Variants in CFAP299 observed in about 807,000 individuals in gnomAD.
CFAP299 encodes cilia- and flagella-associated protein 299.
A neutral mutation model predicts 27.0 loss-of-function variants in CFAP299; 21 were observed. The observed-to-expected ratio is 0.78, with a 90% CI of 0.55 to 1.12. CFAP299 has a LOEUF of 1.12. Among genes scored for constraint, CFAP299 ranks in the 50% most tolerant of loss-of-function variants. The pLI is 0.00. For missense variants in CFAP299, 310 were observed against 276.6 expected (o/e 1.12, Z -0.86); for synonymous variants, 104 against 98.1 (o/e 1.06, Z -0.36).
chr4:80,729,758 C>T (rs1247849732), intron 3 of CFAP299, among the ~76,000 whole-genome samples: 4 of 151,836 alleles, frequency 2.6e-5, no homozygotes, highest in Non-Finnish European at 4.4e-5. Context: ...TGCCACCACA[C>T]CTGGCTAATT....
At chr4:80,505,667 T>C (rs1238084021) in intron 2 of CFAP299, among the ~76,000 whole-genome samples, 1 of 152,178 alleles carries the variant, frequency 6.6e-6, no homozygotes, top group Non-Finnish European at 1.5e-5. Flanking sequence ...GAACTTAAAA[T>C]AGCTCCTCTC....
intron 3 of CFAP299, among the ~76,000 whole-genome samples, chr4:80,594,139 C>G (rs1736928781): frequency 6.6e-6 from 1 of 152,246 alleles, no homozygotes; most frequent in African/African-American, 2.4e-5. Context: ...AAAGAAATAT[C>G]CAAGACTGGG....
intron 2 of CFAP299, among the ~76,000 whole-genome samples, chr4:80,438,518 T>C (rs909943118): frequency 3.3e-5 from 5 of 152,234 alleles, no homozygotes; most frequent in African/African-American, 1.2e-4. Context: ...CTGAGACAAT[T>C]TGAGTAACTT....
intron 2 of CFAP299, among the ~76,000 whole-genome samples, chr4:80,375,753 G>A (rs1247229447): frequency 6.6e-6 from 1 of 152,090 alleles, no homozygotes. Flanking sequence ...CCTGCTAGAG[G>A]GGCGCCACAT....
intron 3 of CFAP299, among the ~76,000 whole-genome samples, chr4:80,595,009 C>T (rs902273102): frequency 2.0e-5 from 3 of 152,120 alleles, no homozygotes; most frequent in Admixed American, 6.6e-5. Context: ...AAGCTATGTG[C>T]TCTAATTCTC....
chr4:80,359,248 A>G (rs752532607), intron 1 of CFAP299, among the ~76,000 whole-genome samples: 19 of 152,118 alleles, frequency 1.2e-4, no homozygotes, highest in Non-Finnish European at 2.4e-4. Flanking sequence ...AGCTGCCCTT[A>G]ACAGTTTTTC....
Position 80,870,146 on chromosome 4 carries a change from T to A in CFAP299, c.476+11T>A. Reference sequence around the variant, plus strand: ...GCCTACAGATATAAGGTAAATTACATACAATTTTTGCACCCTTAGAGGCAG... The same window carrying A: ...GCCTACAGATATAAGGTAAATTACAAACAATTTTTGCACCCTTAGAGGCAG... On this transcript the variant is annotated intron_variant, in intron 4 of 5. Transcript: ENST00000358105. 2 of 1,591,248 alleles carry A rather than the reference T, an allele frequency of 1.3e-6. No homozygotes were observed. Among genetic ancestry groups the A allele is most frequent in the Non-Finnish European group, 1.7e-6 (2 of 1,169,240 alleles).
chr4:80,743,454 A>G (rs1560729428), intron 3 of CFAP299, among the ~76,000 whole-genome samples: 1 of 152,118 alleles, frequency 6.6e-6, no homozygotes, highest in African/African-American at 2.4e-5. Context: ...AATATATTTG[A>G]TGGTGGTGAT....
chr4:80,486,987 A>G (rs1578501783), intron 2 of CFAP299, among the ~76,000 whole-genome samples: 1 of 152,366 alleles, frequency 6.6e-6, no homozygotes, highest in African/African-American at 2.4e-5. Context: ...GCTAGAAGCC[A>G]GCCAGCTTCT....
chr4:80,393,744 C>T (rs1411580630), intron 2 of CFAP299, among the ~76,000 whole-genome samples: 1 of 152,138 alleles, frequency 6.6e-6, no homozygotes, highest in Non-Finnish European at 1.5e-5. Context: ...GCTACAAAAT[C>T]ACCTAGTGAC....
chr4:80,699,233 T>A (rs1253348358), intron 3 of CFAP299, among the ~76,000 whole-genome samples: 1 of 152,174 alleles, frequency 6.6e-6, no homozygotes, highest in Non-Finnish European at 1.5e-5. Flanking sequence ...GATGTACTTA[T>A]AAGAAACTCT....
intron 3 of CFAP299, among the ~76,000 whole-genome samples, chr4:80,598,232 C>G (rs1042747958): frequency 6.6e-6 from 1 of 152,120 alleles, no homozygotes; most frequent in Non-Finnish European, 1.5e-5. Context: ...ACGTATCATC[C>G]CCAAATAGAC....
At chr4:80,910,830 A>G (rs1009406652) in intron 4 of CFAP299, among the ~76,000 whole-genome samples, 2 of 152,140 alleles carry the variant, frequency 1.3e-5, no homozygotes, top group East Asian at 1.9e-4. Flanking sequence ...AATTATTGTC[A>G]TCACTGACTA....
At chr4:80,605,345 G>A (rs1488223468) in intron 3 of CFAP299, among the ~76,000 whole-genome samples, 1 of 152,082 alleles carries the variant, frequency 6.6e-6, no homozygotes, top group Non-Finnish European at 1.5e-5. Context: ...GATGGGAGGG[G>A]AAGGAAAATA....
chr4:80,879,834 T>C (rs922809834), intron 4 of CFAP299, among the ~76,000 whole-genome samples: 1 of 152,186 alleles, frequency 6.6e-6, no homozygotes, highest in Non-Finnish European at 1.5e-5. Flanking sequence ...TTCAACCTTT[T>C]CCTCCATTTC....
intron 3 of CFAP299, among the ~76,000 whole-genome samples, chr4:80,785,884 A>G (rs1028522739): frequency 3.3e-5 from 5 of 152,170 alleles, no homozygotes; most frequent in African/African-American, 4.8e-5. Context: ...TGCTTAAAAC[A>G]CAGTTAATGT....
At chr4:80,454,431 A>G (rs1222437955) in intron 2 of CFAP299, among the ~76,000 whole-genome samples, 1 of 152,182 alleles carries the variant, frequency 6.6e-6, no homozygotes, top group African/African-American at 2.4e-5. Context: ...GACAGCTGGT[A>G]TTGAAGTTGG....
At chr4:80,741,455 C>T (rs1226549283) in intron 3 of CFAP299, among the ~76,000 whole-genome samples, 2 of 152,032 alleles carry the variant, frequency 1.3e-5, no homozygotes, top group Admixed American at 1.3e-4. Flanking sequence ...TCTCACTTGG[C>T]CCACAGTGTG....
chr4:80,501,038 T>C (rs1328857102), intron 2 of CFAP299, among the ~76,000 whole-genome samples: 1 of 152,042 alleles, frequency 6.6e-6, no homozygotes, highest in Non-Finnish European at 1.5e-5. Context: ...ATTGTTCTGA[T>C]TGTTTAATTG....
Sources: allele counts gnomAD v4.1 joint callset (sites outside exome capture counted in the v4.1 genomes callset), GRCh38; gene constraint gnomAD v4.1.1; transcripts MANE v1.5; gene names NCBI Gene and HGNC (gene_info 2026-07-23, HGNC 2026-07-21).